The following PCDHGA1 variants were observed in gnomAD, a reference collection of about 807,000 sequenced individuals.
PCDHGA1 encodes protocadherin gamma-A1.
In PCDHGA1, 32 loss-of-function variants were observed where a neutral mutation model predicts 58.0. That is an observed-to-expected ratio of 0.55 (90% CI 0.42 to 0.74). PCDHGA1 has a LOEUF of 0.74. Ranked by LOEUF, PCDHGA1 falls within the 30% of genes least tolerant of loss-of-function variation. The probability of loss-of-function intolerance (pLI) is 0.00; values close to 1 mark genes in which losing one functional copy is unlikely to be tolerated. For synonymous variants in PCDHGA1, 498 were observed against 501.1 expected (o/e 0.99, Z 0.08); for missense variants, 1,205 against 1,182.3 (o/e 1.02, Z -0.28).
rs1231121250 is a variant in PCDHGA1 at position 141,399,544 on chromosome 5, T to G, written c.2421+66439T>G. The G allele has an allele frequency of 5.6e-6, 9 of 1,614,022 alleles. No individual in the cohort carries two copies. The highest frequency in any genetic ancestry group is 7.6e-6 in the Non-Finnish European group (9 of 1,179,882). ...GGCCTCCATCGCGCAAGTCTGCGCCTCGGACCTGGACTTGGGGTTGAACGG... is the reference window on the plus strand; with the variant it reads ...GGCCTCCATCGCGCAAGTCTGCGCCGCGGACCTGGACTTGGGGTTGAACGG... On this transcript the variant is annotated intron_variant, in intron 1 of 3. Transcript: ENST00000517417.
chr5:141,470,915 C>A (rs2099244061), intron 1 of PCDHGA1, among the ~76,000 whole-genome samples: 1 of 152,010 alleles, frequency 6.6e-6, no homozygotes, highest in Non-Finnish European at 1.5e-5. Flanking sequence ...GGGACTGTCC[C>A]TATGTTGCTC....
intron 2 of PCDHGA1, among the ~76,000 whole-genome samples, chr5:141,502,296 G>A (rs758304596): frequency 7.9e-5 from 12 of 151,130 alleles, no homozygotes; most frequent in Non-Finnish European, 1.2e-4. Context: ...TGGTTGTCAC[G>A]TCTTTCCTCT....
At position 141,399,438 on chromosome 5, in the gene PCDHGA1, T is replaced by G; in HGVS notation, c.2421+66333T>G. 3 of 1,613,996 alleles carry G rather than the reference T, an allele frequency of 1.9e-6. No individual in the cohort carries two copies. The South Asian group carries it at 3.3e-5, about 18-fold the overall frequency. On this transcript the variant is annotated intron_variant, in intron 1 of 3. Transcript: ENST00000517417. The stretch of plus-strand genomic sequence containing the variant: ...CCTCCAGCATAAGCGTCATCCTACA[T>G]ATCAGAGACGTCAACGATAACGCTC...
At chr5:141,342,008 TAA>T (rs1327808908) in intron 1 of PCDHGA1, 2 of 154,162 alleles carry the variant, frequency 1.3e-5, no homozygotes, top group Non-Finnish European at 2.9e-5. Flanking sequence ...GGCTTAGTTT[TAA>T]AAATCACATT....
intron 1 of PCDHGA1, chr5:141,388,783 C>A: frequency 3.1e-6 from 5 of 1,613,818 alleles, no homozygotes; most frequent in South Asian, 1.1e-5. Context: ...GGGGAAATTA[C>A]TGTTTTAAAT....
chr5:141,488,054 A>G (rs1255295788), intron 1 of PCDHGA1, among the ~76,000 whole-genome samples: 1 of 152,206 alleles, frequency 6.6e-6, no homozygotes, highest in Admixed American at 6.5e-5. Flanking sequence ...TTGAGGGGAA[A>G]TAAAATCTTT....
chr5:141,390,518 T>C (rs1045172175), intron 1 of PCDHGA1: 28 of 570,804 alleles, frequency 4.9e-5, no homozygotes, highest in Middle Eastern at 4.8e-4. Context: ...TATAAAGCAA[T>C]GAGGGTGTGG....
rs577770679 is a variant in PCDHGA1, at chr5:141,458,782, G to A, written c.2422-36025G>A. Reference sequence around the variant, plus strand: ...GGGTCTTGCTGTGTCACACAGGCTGGAGTGCAGTGGTGTGATCTCAGCTCA... The same window carrying A: ...GGGTCTTGCTGTGTCACACAGGCTGAAGTGCAGTGGTGTGATCTCAGCTCA... On this transcript the variant is annotated intron_variant, in intron 1 of 3. Coordinates refer to ENST00000517417, the MANE Select transcript of PCDHGA1 (RefSeq NM_018912.3). 3.3e-5 allele frequency among the ~76,000 whole-genome samples: 5 copies of A among 152,020 alleles called. No homozygotes were observed. In the East Asian group the frequency reaches 9.7e-4, roughly 30 times the overall value.
chr5:141,373,227 T>A (rs545943961), intron 1 of PCDHGA1, among the ~76,000 whole-genome samples: 1 of 152,232 alleles, frequency 6.6e-6, no homozygotes. Flanking sequence ...AACCTGTATA[T>A]AATATTTTTA....
At chr5:141,480,046 A>G (rs919527311) in intron 1 of PCDHGA1, among the ~76,000 whole-genome samples, 1 of 152,206 alleles carries the variant, frequency 6.6e-6, no homozygotes, top group Non-Finnish European at 1.5e-5. Context: ...ATATGCAAAA[A>G]GGGAATAATA....
intron 1 of PCDHGA1, among the ~76,000 whole-genome samples, chr5:141,452,575 T>A (rs1386847800): frequency 6.6e-6 from 1 of 152,192 alleles, no homozygotes; most frequent in Non-Finnish European, 1.5e-5. Flanking sequence ...CCTTCCCCCT[T>A]TCCATCTTTG....
intron 1 of PCDHGA1, chr5:141,398,744 G>A: frequency 1.9e-6 from 3 of 1,613,854 alleles, no homozygotes; most frequent in Non-Finnish European, 2.5e-6. Context: ...GAACAACAGA[G>A]TTACCATCGT....
At position 141,366,149 on chromosome 5, in the gene PCDHGA1, C is replaced by A; in HGVS notation, c.2421+33044C>A. On this transcript the variant is annotated intron_variant, in intron 1 of 3. Coordinates refer to ENST00000517417, the MANE Select transcript of PCDHGA1 (RefSeq NM_018912.3). ...AGGCCAGAACGCCTGGCTGTCCTAC[C>A]GCCTGCTTAAGGCCAGCGAGCCAGG... is the stretch of plus-strand genomic sequence containing the variant. The A allele has an allele frequency of 4.3e-6, 7 of 1,614,160 alleles. No individual in the cohort carries two copies. Among genetic ancestry groups the A allele is most frequent in the Non-Finnish European group, 5.9e-6 (7 of 1,180,048 alleles).
chr5:141,350,146 C>T lies in PCDHGA1; in HGVS notation c.2421+17041C>T, dbSNP rs1196056385. Reference sequence around the variant, plus strand: ...ACTGAGCACAGACGCTGCTCCTGTTCACCCTCGAGCGCCTAACTAATAAGT... The same window carrying T: ...ACTGAGCACAGACGCTGCTCCTGTTTACCCTCGAGCGCCTAACTAATAAGT... On this transcript the variant is annotated intron_variant, in intron 1 of 3. Transcript: ENST00000517417. The T allele has an allele frequency of 3.4e-6, 3 of 877,570 alleles. No homozygotes were observed. The East Asian group carries it at 8.6e-5, about 25-fold the overall frequency. 54.4% of individuals were successfully genotyped at this position (877,570 alleles called of 1,614,324 possible).
chr5:141,340,283 A>G (rs1588448256), intron 1 of PCDHGA1: 1 of 1,614,112 alleles, frequency 6.2e-7, no homozygotes, highest in South Asian at 1.1e-5. Flanking sequence ...GGATGCTCAC[A>G]TTTTGCTCCA....
intron 1 of PCDHGA1, chr5:141,421,690 C>T: frequency 6.2e-7 from 1 of 1,613,948 alleles, no homozygotes. Context: ...GCGATTTGCT[C>T]TTCCTAATGC....
At chr5:141,472,022 T>C (rs949257396) in intron 1 of PCDHGA1, among the ~76,000 whole-genome samples, 1 of 152,176 alleles carries the variant, frequency 6.6e-6, no homozygotes, top group Non-Finnish European at 1.5e-5. Flanking sequence ...CTATATTGTA[T>C]GTAGAAAGCT....
At chr5:141,390,458 G>A (rs1037400063) in intron 1 of PCDHGA1, 7 of 754,546 alleles carry the variant, frequency 9.3e-6, no homozygotes, top group Non-Finnish European at 1.5e-5. Context: ...AGTAAAGTAG[G>A]AGCAATTGTG....
chr5:141,492,908 A>G (rs1595151443), intron 1 of PCDHGA1, among the ~76,000 whole-genome samples: 2 of 152,302 alleles, frequency 1.3e-5, no homozygotes, highest in African/African-American at 4.8e-5. Context: ...TCGTGATCAC[A>G]ATGTGCCCAG....
Sources: gnomAD v4.1 joint callset for allele counts (sites outside exome capture counted in the v4.1 genomes callset) on GRCh38, gnomAD v4.1.1 for gene constraint, MANE v1.5 for transcripts, NCBI Gene and HGNC (gene_info 2026-07-23, HGNC 2026-07-21) for gene names.